Variants in KIAA1217 observed in about 807,000 individuals in gnomAD.
The protein encoded by KIAA1217 is sickle tail protein homolog.
In KIAA1217, 88 loss-of-function variants were observed where a neutral mutation model predicts 163.9. That is an observed-to-expected ratio of 0.54 (90% confidence interval 0.45 to 0.64). The LOEUF is 0.64. KIAA1217 is among the 30% of genes least tolerant of loss of function. The pLI is 0.00. For synonymous variants in KIAA1217, 903 were observed against 923.1 expected (o/e 0.98, Z 0.39); for missense variants, 2,372 against 2,475.0 (o/e 0.96, Z 0.88).
intron 1 of KIAA1217, among the ~76,000 whole-genome samples, chr10:23,881,639 A>T (rs529861252): frequency 2.0e-5 from 3 of 152,104 alleles, no homozygotes; most frequent in African/African-American, 7.2e-5. Context: ...CTTTGAAAAG[A>T]TTTTGTCCAT....
chr10:24,474,512 A>G (rs900082508), intron 6 of KIAA1217, among the ~76,000 whole-genome samples: 2 of 152,200 alleles, frequency 1.3e-5, no homozygotes, highest in African/African-American at 4.8e-5. Context: ...GTGGAATACA[A>G]TTTTGTTTTC....
chr10:24,209,915 G>A (rs988900621), intron 1 of KIAA1217, among the ~76,000 whole-genome samples: 3 of 152,088 alleles, frequency 2.0e-5, no homozygotes, highest in Admixed American at 6.5e-5. Context: ...TGTCTTTTCC[G>A]TAGGGAATTT....
intron 2 of KIAA1217, among the ~76,000 whole-genome samples, chr10:24,162,975 C>G (rs1166408699): frequency 1.3e-5 from 2 of 152,160 alleles, no homozygotes; most frequent in Admixed American, 1.3e-4. Context: ...AATATGGCAG[C>G]CACAGTCTTT....
chr10:24,248,291 G>T lies in KIAA1217; in HGVS notation c.354+28382G>T, dbSNP rs116534487. On this transcript the variant is annotated intron_variant, in intron 2 of 20. Transcript: ENST00000376454. ...GCTTTGAATATGTTTAAGTTGCCTG[G>T]AATTATCAACAAAAGAATTAAATTT... is the stretch of plus-strand genomic sequence containing the variant. Among the ~76,000 whole-genome samples the T allele has an allele frequency of 6.3e-3, 956 of 152,192 alleles. 7 individuals carry two copies. Among genetic ancestry groups the T allele is most frequent in the African/African-American group, 0.022 (896 of 41,520 alleles).
chr10:23,770,819 A>G (rs1312307791), intron 1 of KIAA1217, among the ~76,000 whole-genome samples: 1 of 152,146 alleles, frequency 6.6e-6, no homozygotes, highest in Non-Finnish European at 1.5e-5. Flanking sequence ...TTCCAATGTT[A>G]TGGAACTCAA....
chr10:23,700,980 A>G (rs565317712), intron 1 of KIAA1217, among the ~76,000 whole-genome samples: 1 of 152,286 alleles, frequency 6.6e-6, no homozygotes, highest in South Asian at 2.1e-4. Context: ...CCTGCCACAT[A>G]GAAGGTAGTC....
intron 2 of KIAA1217, among the ~76,000 whole-genome samples, chr10:24,071,056 G>A (rs946535018): frequency 1.3e-5 from 2 of 152,048 alleles, no homozygotes; most frequent in Admixed American, 6.6e-5. Flanking sequence ...CATACCTAAT[G>A]AGACCAATTG....
intron 5 of KIAA1217, among the ~76,000 whole-genome samples, chr10:24,438,803 C>A (rs1316225136): frequency 6.6e-6 from 1 of 152,186 alleles, no homozygotes; most frequent in Non-Finnish European, 1.5e-5. Context: ...AGATCTCTTG[C>A]ATTTCTTTCT....
chr10:24,414,213 C>T (rs879858141), intron 3 of KIAA1217, among the ~76,000 whole-genome samples: 1 of 152,192 alleles, frequency 6.6e-6, no homozygotes, highest in African/African-American at 2.4e-5. Flanking sequence ...CATAAGTATG[C>T]CACATAGGTT....
chr10:24,354,869 CG>C (rs1480822713), intron 2 of KIAA1217, among the ~76,000 whole-genome samples: 1 of 149,230 alleles, frequency 6.7e-6, no homozygotes, highest in Non-Finnish European at 1.5e-5. Flanking sequence ...CAGGAATGCC[CG>C]TTCCCATTTA....
chr10:24,455,363 C>T (rs1014345800), intron 5 of KIAA1217, among the ~76,000 whole-genome samples: 6 of 152,172 alleles, frequency 3.9e-5, no homozygotes, highest in African/African-American at 1.2e-4. Context: ...ATGTGCAAAG[C>T]TGTCTTGGCA....
intron 1 of KIAA1217, among the ~76,000 whole-genome samples, chr10:23,878,372 G>C (rs774113270): frequency 1.3e-5 from 2 of 151,806 alleles, no homozygotes; most frequent in Non-Finnish European, 2.9e-5. Context: ...TTTGTCTCTT[G>C]ATTCATTTAA....
chr10:24,164,869 C>T (rs577588532), intron 2 of KIAA1217, among the ~76,000 whole-genome samples: 1 of 152,150 alleles, frequency 6.6e-6, no homozygotes, highest in Non-Finnish European at 1.5e-5. Context: ...TGGGACCACT[C>T]AATGGATGCC....
chr10:24,453,472 A>T (rs1012810527), intron 5 of KIAA1217, among the ~76,000 whole-genome samples: 1 of 152,250 alleles, frequency 6.6e-6, no homozygotes, highest in Non-Finnish European at 1.5e-5. Flanking sequence ...CCAGATTTAG[A>T]TTATCCAGTA....
intron 1 of KIAA1217, among the ~76,000 whole-genome samples, chr10:23,815,374 G>A (rs1837266276): frequency 6.6e-6 from 1 of 152,188 alleles, no homozygotes; most frequent in South Asian, 2.1e-4. Flanking sequence ...GCTGGGCGCG[G>A]TGGCTCACGC....
intron 1 of KIAA1217, among the ~76,000 whole-genome samples, chr10:23,919,344 C>T (rs182995374): frequency 1.3e-5 from 2 of 151,872 alleles, no homozygotes; most frequent in East Asian, 3.9e-4. Context: ...AGTGGGTCAC[C>T]CCTGTAATCC....
chr10:24,206,488 T>C (rs1275228117), upstream of KIAA1217, among the ~76,000 whole-genome samples: 1 of 152,210 alleles, frequency 6.6e-6, no homozygotes, highest in Non-Finnish European at 1.5e-5. Flanking sequence ...CAATCAGTGC[T>C]AAATTGTTAG....
In KIAA1217 at chr10:23,755,910, ACCT is replaced by A. The variant is rs1221516223; in HGVS notation, c.-321+60677_-321+60679del. On this transcript the variant is annotated intron_variant, in intron 1 of 18. Coordinates refer to the KIAA1217 transcript ENST00000376462. Reference sequence around the variant, plus strand: ...TGTGCGATATCACATAATAACCAATACCTTTGGTTATTATGTGATTCTGAGCCC... The same window carrying A: ...TGTGCGATATCACATAATAACCAATATTGGTTATTATGTGATTCTGAGCCC... Among the ~76,000 whole-genome samples the A allele has an allele frequency of 3.2e-4, 49 of 152,036 alleles. No homozygotes were observed. In the East Asian group the frequency reaches 8.5e-3, roughly 26 times the overall value.
intron 2 of KIAA1217, among the ~76,000 whole-genome samples, chr10:24,252,212 CA>C (rs778255785): frequency 6.6e-6 from 1 of 151,980 alleles, no homozygotes; most frequent in Non-Finnish European, 1.5e-5. Flanking sequence ...CACCAACCCA[CA>C]AAAAGGCCTC....
Sources: gnomAD v4.1 joint callset for allele counts (sites outside exome capture counted in the v4.1 genomes callset) on GRCh38, gnomAD v4.1.1 for gene constraint, MANE v1.5 for transcripts, NCBI Gene and HGNC (gene_info 2026-07-23, HGNC 2026-07-21) for gene names.